Variants in S100Z observed in about 807,000 individuals in gnomAD.
S100Z encodes protein S100-Z.
Under a neutral mutation model 8.5 loss-of-function variants are expected in S100Z, and 11 were observed. The observed-to-expected ratio is 1.30, with a 90% CI of 0.82 to 2.15. The LOEUF is 2.15. Ranked by LOEUF, S100Z falls within the 30% of genes most tolerant of loss-of-function variation. The pLI, the probability that S100Z is intolerant of heterozygous loss-of-function variation, is 0.00. For synonymous variants in S100Z, 34 were observed against 43.8 expected, an observed-to-expected ratio of 0.78 and a Z score of 0.89; for missense variants, 126 against 117.9, an observed-to-expected ratio of 1.07 and a Z score of -0.32.
chr5:76,952,261 G>A, the S100Z span, among the ~76,000 whole-genome samples: 11,625 of 152,254 alleles, frequency 0.076, 708 homozygotes, highest in African/African-American at 0.17. Flanking sequence ...TTGAAGGCAC[G>A]AAATGGAATG....
At chr5:76,934,310 A>T in the S100Z span, among the ~76,000 whole-genome samples, 6 of 152,186 alleles carry the variant, frequency 3.9e-5, no homozygotes, top group Non-Finnish European at 8.8e-5. Context: ...CACATTCCCC[A>T]GTTGATTCTT....
intron 2 of S100Z, among the ~76,000 whole-genome samples, chr5:76,874,387 C>G (rs1156353546): frequency 6.6e-6 from 1 of 152,144 alleles, no homozygotes; most frequent in Non-Finnish European, 1.5e-5. Context: ...TCCACACTCC[C>G]CTAAAGAGAG....
chr5:76,910,802 G>A (rs1244784788), intron 4 of S100Z, among the ~76,000 whole-genome samples: 3 of 152,332 alleles, frequency 2.0e-5, no homozygotes, highest in Admixed American at 2.0e-4. Flanking sequence ...GGCCTTCTCA[G>A]TGTTAATCTC....
intron 4 of S100Z, among the ~76,000 whole-genome samples, chr5:76,885,370 T>A (rs1260742363): frequency 4.8e-5 from 7 of 146,022 alleles, no homozygotes; most frequent in Non-Finnish European, 9.0e-5. Flanking sequence ...GGGAGGTGCT[T>A]ATCTCCCAGG....
the S100Z span, among the ~76,000 whole-genome samples, chr5:76,927,758 C>T: frequency 0.024 from 3,657 of 152,278 alleles, 149 homozygotes; most frequent in African/African-American, 0.083. Context: ...TCATTTAGGT[C>T]CAGCCTCATT....
chr5:76,892,937 C>T (rs1743916175), intron 4 of S100Z, among the ~76,000 whole-genome samples: 1 of 152,116 alleles, frequency 6.6e-6, no homozygotes, highest in Non-Finnish European at 1.5e-5. Flanking sequence ...TGTTGATGTA[C>T]ATAGGGTGAA....
At chr5:76,907,940 G>A (rs1456024656) in intron 4 of S100Z, among the ~76,000 whole-genome samples, 2 of 152,130 alleles carry the variant, frequency 1.3e-5, no homozygotes, top group Admixed American at 6.6e-5. Context: ...ACCAGCCTGG[G>A]CAGCATGGTG....
Position 76,875,454 on chromosome 5 carries a change from G to A in S100Z, c.95G>A (p.Gly32Glu). ...AGGAAGAGATTCAAGCTCAGCAAGG[G>A]GGAACTGAAACTGCTCCTGCAGCGA... The part of the protein sequence containing the change: ...KERKRFKLSK[G>E]ELKLLLQREL... The change falls in exon 3 of 5, where the codon GGG becomes GAG. Residue 32 changes from glycine to glutamate, a missense_variant. By Grantham distance (98) the Gly-to-Glu change is moderately conservative (BLOSUM62 -2). Coordinates refer to ENST00000317593, the MANE Select transcript of S100Z (RefSeq NM_130772.4). 16 of 1,612,556 alleles carry A rather than the reference G, an allele frequency of 9.9e-6. No homozygotes were observed. Among genetic ancestry groups the A allele is most frequent in the Middle Eastern group, 1.7e-4 (1 of 6,056 alleles).
In S100Z at chr5:76,877,894, T is replaced by C. The variant is rs965735327; in HGVS notation, c.*2+60T>C. On this transcript the variant is annotated intron_variant, in intron 4 of 4. Transcript: ENST00000317593. ...TCCAAAGTTATGTACTTAATGTTCA[T>C]TTATACCGTTCAGATCTATAGACCC... The C allele has an allele frequency of 3.6e-5, 43 of 1,204,392 alleles. No individual in the cohort carries two copies. The African/African-American group carries it at 6.1e-4, about 17-fold the overall frequency. 74.6% of individuals were successfully genotyped at this position (1,204,392 alleles called of 1,614,324 possible).
the S100Z span, among the ~76,000 whole-genome samples, chr5:76,927,386 C>T: frequency 1.0e-3 from 154 of 152,304 alleles, no homozygotes; most frequent in African/African-American, 3.5e-3. Context: ...GTTGTGCTCT[C>T]CCTCTGCCCC....
intron 2 of S100Z, among the ~76,000 whole-genome samples, chr5:76,871,632 C>T (rs1743013233): frequency 1.3e-5 from 2 of 151,344 alleles, no homozygotes; most frequent in South Asian, 2.1e-4. Flanking sequence ...AAGTGATTCT[C>T]CTGCTTCAGC....
intron 1 of S100Z, among the ~76,000 whole-genome samples, chr5:76,867,175 G>T (rs1264621354): frequency 6.6e-6 from 1 of 152,096 alleles, no homozygotes; most frequent in Admixed American, 6.6e-5. Context: ...ATACACCAGT[G>T]ACACCATCAC....
intron 1 of S100Z, among the ~76,000 whole-genome samples, chr5:76,862,838 C>T (rs1751102977): frequency 6.6e-6 from 1 of 152,058 alleles, no homozygotes; most frequent in Non-Finnish European, 1.5e-5. Flanking sequence ...CCCTGAGGAG[C>T]ATTGCAATAA....
At chr5:76,902,104 C>T (rs1028359499) in intron 4 of S100Z, among the ~76,000 whole-genome samples, 3 of 152,036 alleles carry the variant, frequency 2.0e-5, no homozygotes, top group African/African-American at 7.2e-5. Context: ...AAATCCTCTC[C>T]ACTCTTCCCT....
chr5:76,943,153 G>T, the S100Z span, among the ~76,000 whole-genome samples: 7 of 152,090 alleles, frequency 4.6e-5, no homozygotes, highest in African/African-American at 1.7e-4. Context: ...GCTGGAACCG[G>T]GTCACCTCTA....
chr5:76,912,832 AAG>A (rs1172881865), intron 4 of S100Z, among the ~76,000 whole-genome samples: 1 of 152,020 alleles, frequency 6.6e-6, no homozygotes, highest in African/African-American at 2.4e-5. Flanking sequence ...AAAAGAGAGA[AAG>A]AGACAGAAAG....
intron 4 of S100Z, among the ~76,000 whole-genome samples, chr5:76,897,895 G>T (rs905326885): frequency 6.6e-6 from 1 of 152,048 alleles, no homozygotes; most frequent in Non-Finnish European, 1.5e-5. Flanking sequence ...GACTCCTTAG[G>T]TTTTTCCAAA....
At chr5:76,898,071 C>T (rs79983061) in intron 4 of S100Z, among the ~76,000 whole-genome samples, 2,882 of 152,212 alleles carry the variant, frequency 0.019, 69 homozygotes, top group East Asian at 0.11. Context: ...AGATCTTAGA[C>T]GAGAGACTTT....
intron 4 of S100Z, among the ~76,000 whole-genome samples, chr5:76,890,055 G>A (rs564972009): frequency 1.3e-5 from 2 of 152,132 alleles, no homozygotes; most frequent in African/African-American, 4.8e-5. Context: ...ATGGAGTCTC[G>A]CTCTGTCACC....
Sources: allele counts gnomAD v4.1 joint callset (sites outside exome capture counted in the v4.1 genomes callset), GRCh38; gene constraint gnomAD v4.1.1; transcripts MANE v1.5; gene names NCBI Gene and HGNC (gene_info 2026-07-23, HGNC 2026-07-21).